COA5: variants seen among roughly 807,000 people sequenced by gnomAD.
COA5 encodes the protein cytochrome c oxidase assembly factor 5.
Under a neutral mutation model 11.8 loss-of-function variants are expected in COA5, and 11 were observed. The observed-to-expected ratio is 0.93, with a 90% CI of 0.59 to 1.54. The LOEUF (loss-of-function observed/expected upper bound fraction) is 1.54. COA5 is among the 40% of genes most tolerant of loss of function. The pLI is 0.00. For synonymous variants in COA5, 38 were observed against 37.5 expected (o/e 1.01, Z -0.05); for missense variants, 87 against 89.2 (o/e 0.97, Z 0.10).
At chr2:98,603,075 T>C (rs1700663959) in intron 2 of COA5, among the ~76,000 whole-genome samples, 1 of 152,200 alleles carries the variant, frequency 6.6e-6, no homozygotes, top group South Asian at 2.1e-4. Flanking sequence ...CTGGCAAACA[T>C]GCTCCAAGTT....
intron 2 of COA5, among the ~76,000 whole-genome samples, chr2:98,603,396 T>C (rs1700669827): frequency 6.6e-6 from 1 of 151,866 alleles, no homozygotes; most frequent in Non-Finnish European, 1.5e-5. Flanking sequence ...CAGGAGAATC[T>C]CTTGAACCCA....
chr2:98,606,681 T>G (rs185907910), intron 1 of COA5, among the ~76,000 whole-genome samples: 7 of 152,360 alleles, frequency 4.6e-5, no homozygotes, highest in African/African-American at 1.7e-4. Context: ...CTGCTGCTAT[T>G]GTCCTCCACT....
chr2:98,604,417 C>T, intron 1 of COA5: 1 of 526,132 alleles, frequency 1.9e-6, no homozygotes, highest in Non-Finnish European at 3.4e-6. Flanking sequence ...TTCTTGAAAA[C>T]ACTGGTTTCT....
chr2:98,602,204 A>G (rs1700650667), intron 2 of COA5, among the ~76,000 whole-genome samples: 1 of 152,206 alleles, frequency 6.6e-6, no homozygotes. Flanking sequence ...TAAGATGCAC[A>G]CTCACTTTAA....
chr2:98,608,234 C>G, intron 1 of COA5, 73 bp downstream of exon 1: 1 of 1,185,028 alleles, frequency 8.4e-7, no homozygotes, highest in Non-Finnish European at 1.2e-6. Context: ...CCGCGGGCGA[C>G]CCGCTGCCCT....
rs568259400 is a variant in COA5 at position 98,608,233 on chromosome 2, A to T, written c.99+74T>A. The T allele has an allele frequency of 2.4e-5, 28 of 1,165,390 alleles. No individual in the cohort carries two copies. In the Admixed American group the frequency reaches 5.4e-4, roughly 22 times the overall value. 72.2% of individuals were successfully genotyped at this position (1,165,390 alleles called of 1,614,324 possible). A position where few individuals can be genotyped will look rare whatever the true frequency, so the allele number is the denominator to read the frequency against. On this transcript the variant is annotated intron_variant, in intron 1 of 2. Coordinates refer to ENST00000328709, the MANE Select transcript of COA5 (RefSeq NM_001008215.3). ...TTAACTCCAACCGCCGCCGCGGGCG[A>T]CCCGCTGCCCTCCGCCGAGCCAGGC...
chr2:98,604,206 T>C lies in COA5; in HGVS notation c.100-15A>G, dbSNP rs1010323207. 16 of 1,575,638 alleles carry C rather than the reference T, an allele frequency of 1.0e-5. No individual in the cohort carries two copies. The African/African-American group carries it at 2.0e-4, about 20-fold the overall frequency. ...GATTTTCCTTCCTATGACAGACACA[T>C]AAAACAATATAAACACCTTGGAAAT... On this transcript the variant is annotated splice_polypyrimidine_tract_variant and intron_variant, in intron 1 of 2. Transcript: ENST00000328709.
chr2:98,607,982 G>A, intron 1 of COA5, among the ~76,000 whole-genome samples: 1 of 152,210 alleles, frequency 6.6e-6, no homozygotes. Flanking sequence ...ATCATTTCTA[G>A]GCAGGCAAGA....
intron 1 of COA5, chr2:98,604,501 G>A (rs1399253273): frequency 3.2e-6 from 1 of 313,058 alleles, no homozygotes; most frequent in Non-Finnish European, 6.0e-6. Flanking sequence ...TGGGTGAAAT[G>A]TGTGAACTGG....
intron 1 of COA5, among the ~76,000 whole-genome samples, chr2:98,607,871 A>C (rs2106594792): frequency 6.6e-6 from 1 of 152,354 alleles, no homozygotes; most frequent in East Asian, 1.9e-4. Flanking sequence ...CACAAGTCAA[A>C]CTGAGCACAC....
Position 98,599,923 on chromosome 2 carries a change from A to G in COA5, c.*829T>C, listed in dbSNP as rs1185828346. 1.3e-5 allele frequency: 2 copies of G among 152,474 alleles called. No individual in the cohort carries two copies. Among genetic ancestry groups the G allele is most frequent in the East Asian group, 3.8e-4 (2 of 5,196 alleles). 9.4% of individuals were successfully genotyped at this position (152,474 alleles called of 1,614,324 possible). A position where few individuals can be genotyped will look rare whatever the true frequency, so the allele number is the denominator to read the frequency against. On this transcript the variant is annotated 3_prime_UTR_variant, in exon 3 of 3. Transcript: ENST00000328709. ...GCAGATAGATAGCCCAGGCCTGGCC[A>G]AGATCACAGGCCCCCATCCCCTCTT...
In COA5 at chr2:98,600,813, TAAATC is replaced by T. The variant is rs942330171; in HGVS notation, c.184-25_184-21del. ...ATCCAACTGAAAATAAATATACAAT[TAAATC>T]AAATTTGGTACAATGTAATTAATTA... is the stretch of plus-strand genomic sequence containing the variant. On this transcript the variant is annotated intron_variant, in intron 2 of 2. Transcript: ENST00000328709. The T allele has an allele frequency of 2.0e-6, 3 of 1,504,100 alleles. No individual in the cohort carries two copies. Among genetic ancestry groups the T allele is most frequent in the Admixed American group, 3.4e-5 (2 of 59,024 alleles). 93.2% of individuals were successfully genotyped at this position (1,504,100 alleles called of 1,614,324 possible).
intron 1 of COA5, among the ~76,000 whole-genome samples, chr2:98,607,986 G>A (rs1206389539): frequency 2.6e-5 from 4 of 152,244 alleles, no homozygotes; most frequent in Admixed American, 2.6e-4. Context: ...TTTCTAGGCA[G>A]GCAAGAAACC....
Position 98,599,532 on chromosome 2 carries a change from C to T in COA5, c.*1220G>A, listed in dbSNP as rs1700611937. The T allele has an allele frequency of 6.6e-6, 1 of 152,116 alleles. No individual in the cohort carries two copies. Among genetic ancestry groups the T allele is most frequent in the African/African-American group, 2.4e-5 (1 of 41,432 alleles). The allele number at this position is 152,116 out of a possible 1,614,324, so 9.4% of individuals were successfully genotyped here. A position where few individuals can be genotyped will look rare whatever the true frequency, so the allele number is the denominator to read the frequency against. On this transcript the variant is annotated 3_prime_UTR_variant, in exon 3 of 3. Transcript: ENST00000328709. ...CACAACAGACCTTTGTGATATTCTG[C>T]AACAATGACCCATATTGCTGTGGAA...
At chr2:98,603,707 AAC>A in intron 2 of COA5, among the ~76,000 whole-genome samples, 1 of 152,168 alleles carries the variant, frequency 6.6e-6, no homozygotes, top group East Asian at 1.9e-4. Flanking sequence ...CCAAAATTCA[AAC>A]ACAGATACTG....
At position 98,600,421 on chromosome 2, in the gene COA5, C is replaced by T. The variant is rs1048903003; in HGVS notation, c.*331G>A. 5 of 373,136 alleles carry T rather than the reference C, an allele frequency of 1.3e-5. No homozygotes were observed. The highest frequency in any genetic ancestry group is 7.8e-5 in the Admixed American group (2 of 25,692). The allele number at this position is 373,136 out of a possible 1,614,324, so 23.1% of individuals were successfully genotyped here. Reference sequence around the variant, plus strand: ...GTGTCAGTCAAATCAGTGGCCTGTACTAATTGGGTAATTCAATTGAAGAGT... The same window carrying T: ...GTGTCAGTCAAATCAGTGGCCTGTATTAATTGGGTAATTCAATTGAAGAGT... On this transcript the variant is annotated 3_prime_UTR_variant, in exon 3 of 3. Coordinates refer to ENST00000328709, the MANE Select transcript of COA5 (RefSeq NM_001008215.3).
chr2:98,604,883 A>G (rs1700688083), intron 1 of COA5: 1 of 152,272 alleles, frequency 6.6e-6, no homozygotes, highest in Admixed American at 6.5e-5. Flanking sequence ...TACCTCAGTG[A>G]CTCTCAAAAG....
At chr2:98,607,937 T>C (rs1380985319) in intron 1 of COA5, among the ~76,000 whole-genome samples, 1 of 152,246 alleles carries the variant, frequency 6.6e-6, no homozygotes, top group Non-Finnish European at 1.5e-5. Flanking sequence ...GTACCAGGTT[T>C]ACGCAACTCT....
At position 98,604,123 on chromosome 2, in the gene COA5, C is replaced by T. The variant is rs1325376319; in HGVS notation, c.168G>A (p.Glu56=). 4 of 1,613,568 alleles carry T rather than the reference C, an allele frequency of 2.5e-6. No homozygotes were observed. In the African/African-American group the frequency reaches 5.3e-5, roughly 22 times the overall value. Residue 56 remains glutamate (E), a synonymous_variant, in exon 2 of 3, where the codon GAG becomes GAA. Coordinates refer to ENST00000328709, the MANE Select transcript of COA5 (RefSeq NM_001008215.3). ...YCNSLKYAFF[E]CKRSVLDNRA... ...AACCACTTACCACTGATCTTTTACA[C>T]TCAAAAAATGCGTACTTCAAAGAGT...
Sources: allele counts gnomAD v4.1 joint callset (sites outside exome capture counted in the v4.1 genomes callset), GRCh38; gene constraint gnomAD v4.1.1; transcripts MANE v1.5; gene names NCBI Gene and HGNC (gene_info 2026-07-23, HGNC 2026-07-21).